Variants in LRRC4C observed in about 807,000 individuals in gnomAD.
LRRC4C encodes leucine-rich repeat-containing protein 4C.
LRRC4C carries 5 observed loss-of-function variants against 33.6 expected under a neutral mutation model. The ratio of observed to expected loss-of-function variants is 0.15; its 90% CI spans 0.08 to 0.31. LRRC4C has a LOEUF of 0.31. Among genes scored for constraint, LRRC4C ranks in the 10% least tolerant of loss-of-function variants. LRRC4C has a pLI of 1.00. For missense variants in LRRC4C, 560 were observed against 796.7 expected (o/e 0.70, Z 3.58); for synonymous variants, 329 against 302.0 (o/e 1.09, Z -0.93).
intron 3 of LRRC4C, among the ~76,000 whole-genome samples, chr11:40,355,001 G>A (rs1417858508): frequency 1.3e-5 from 2 of 152,174 alleles, no homozygotes; most frequent in Non-Finnish European, 2.9e-5. Context: ...GGGAAGTACT[G>A]TCTTTGTGCC....
At chr11:40,851,136 C>T (rs1953468513) in intron 2 of LRRC4C, among the ~76,000 whole-genome samples, 1 of 151,962 alleles carries the variant, frequency 6.6e-6, no homozygotes, top group African/African-American at 2.4e-5. Flanking sequence ...GGGGAGTGAA[C>T]AGTTCTGTCT....
At chr11:40,998,469 T>C (rs1854137220) in intron 1 of LRRC4C, among the ~76,000 whole-genome samples, 1 of 152,132 alleles carries the variant, frequency 6.6e-6, no homozygotes, top group African/African-American at 2.4e-5. Context: ...TTGACTGCAC[T>C]TTATGGATTT....
chr11:40,234,165 T>C (rs1332685772), intron 5 of LRRC4C, among the ~76,000 whole-genome samples: 2 of 152,224 alleles, frequency 1.3e-5, no homozygotes, highest in African/African-American at 4.8e-5. Context: ...CCAAAGAACA[T>C]ACTTTGTTTA....
At chr11:40,330,696 G>A (rs954420837) in intron 3 of LRRC4C, among the ~76,000 whole-genome samples, 11 of 152,020 alleles carry the variant, frequency 7.2e-5, no homozygotes, top group Admixed American at 3.9e-4. Context: ...ATCAGATCTC[G>A]TGAGAACTTA....
chr11:40,695,567 G>T (rs928377108), intron 2 of LRRC4C, among the ~76,000 whole-genome samples: 2 of 152,144 alleles, frequency 1.3e-5, no homozygotes, highest in East Asian at 3.9e-4. Flanking sequence ...CAGTTCTGGA[G>T]GTCAGAAGTC....
chr11:40,851,320 G>A (rs1000137052), intron 2 of LRRC4C, among the ~76,000 whole-genome samples: 6 of 152,258 alleles, frequency 3.9e-5, no homozygotes, highest in South Asian at 2.1e-4. Flanking sequence ...TGGGAAAGGC[G>A]TAGCATCTGG....
At position 40,426,855 on chromosome 11, in the gene LRRC4C, G is replaced by T. The variant is rs79428467; in HGVS notation, c.-269-107134C>A. On this transcript the variant is annotated intron_variant, in intron 3 of 6. Coordinates refer to ENST00000528697, the MANE Select transcript of LRRC4C (RefSeq NM_001258419.2). ...TTAGTTTCTGAAAGACCTTCTTTCC[G>T]TTTCCGACCTGTACTGACTCAAATC... Among the ~76,000 whole-genome samples, 320 of 152,210 alleles carry T rather than the reference G, an allele frequency of 2.1e-3. 3 individuals are homozygous for T. The highest frequency in any genetic ancestry group is 7.3e-3 in the African/African-American group (304 of 41,540).
At chr11:40,630,479 G>A (rs1333956509) in intron 3 of LRRC4C, among the ~76,000 whole-genome samples, 23 of 148,316 alleles carry the variant, frequency 1.6e-4, no homozygotes, top group Non-Finnish European at 1.5e-5. Context: ...TAGCCAATGA[G>A]CTTACTATGC....
At chr11:41,181,375 A>G (rs369393115) in intron 1 of LRRC4C, among the ~76,000 whole-genome samples, 36 of 151,446 alleles carry the variant, frequency 2.4e-4, no homozygotes, top group African/African-American at 8.3e-4. Context: ...CAGAGGGGGA[A>G]AAAAAGGCAT....
intron 4 of LRRC4C, among the ~76,000 whole-genome samples, chr11:40,316,830 G>C (rs1056907589): frequency 6.6e-6 from 1 of 151,934 alleles, no homozygotes; most frequent in Non-Finnish European, 1.5e-5. Flanking sequence ...CAGGAAACCA[G>C]ATAGCCTTGA....
intron 3 of LRRC4C, among the ~76,000 whole-genome samples, chr11:40,516,808 C>A (rs1378070953): frequency 2.0e-5 from 3 of 152,068 alleles, no homozygotes; most frequent in Admixed American, 2.0e-4. Context: ...GACCCTTTAG[C>A]CACATTTTAA....
At chr11:40,328,926 G>A (rs914712941) in intron 3 of LRRC4C, among the ~76,000 whole-genome samples, 1 of 152,182 alleles carries the variant, frequency 6.6e-6, no homozygotes, top group African/African-American at 2.4e-5. Context: ...ATATTAAATA[G>A]CTTCTTTTCA....
intron 1 of LRRC4C, among the ~76,000 whole-genome samples, chr11:41,155,411 T>TTGTTTTTAACCAAGTTCAGTGAAGTGGC (rs1330592623): frequency 6.6e-6 from 1 of 152,130 alleles, no homozygotes; most frequent in Non-Finnish European, 1.5e-5. Flanking sequence ...AGTAAGCACA[T>TTGTTTTTAACCAAGTTCAGTGAAGTGGC]TGTTTTTAAC....
intron 1 of LRRC4C, among the ~76,000 whole-genome samples, chr11:40,959,790 A>C (rs1031568854): frequency 6.6e-6 from 1 of 151,720 alleles, no homozygotes; most frequent in Non-Finnish European, 1.5e-5. Context: ...ACATTTGCTC[A>C]GTGATTGCTC....
chr11:40,279,142 C>T (rs893105047), intron 4 of LRRC4C, among the ~76,000 whole-genome samples: 1 of 152,186 alleles, frequency 6.6e-6, no homozygotes, highest in African/African-American at 2.4e-5. Context: ...ACTCCATGTA[C>T]TGTAGGACTT....
intron 1 of LRRC4C, among the ~76,000 whole-genome samples, chr11:41,163,826 G>T (rs886138552): frequency 1.3e-5 from 2 of 151,936 alleles, no homozygotes; most frequent in African/African-American, 4.8e-5. Context: ...TGGCCAGGCT[G>T]GTCTCGAACT....
rs184497637 is a variant in LRRC4C, at chr11:41,102,876, G to A, written c.-495-169153C>T. ...TCTCTATGCTTGATGTGTAAAGCTT[G>A]AATAATAATACTTTTTTAAGTATGT... On this transcript the variant is annotated intron_variant, in intron 1 of 6. Transcript: ENST00000528697. 3.9e-3 allele frequency among the ~76,000 whole-genome samples: 596 copies of A among 152,030 alleles called. 4 individuals carry two copies. The highest frequency in any genetic ancestry group is 0.029 in the South Asian group (141 of 4,822).
At chr11:40,128,057 T>G (rs1381566) in intron 6 of LRRC4C, among the ~76,000 whole-genome samples, 28,091 of 152,106 alleles carry the variant, frequency 0.18, 2,748 homozygotes, top group East Asian at 0.27. Flanking sequence ...AAAAACCAGC[T>G]TTAGAGTAAA....
chr11:40,519,673 T>C (rs1419149819), intron 3 of LRRC4C, among the ~76,000 whole-genome samples: 2 of 152,216 alleles, frequency 1.3e-5, no homozygotes, highest in East Asian at 3.9e-4. Flanking sequence ...ATGTGCAATG[T>C]CAATGGAAAA....
Sources: allele counts gnomAD v4.1 joint callset (sites outside exome capture counted in the v4.1 genomes callset), GRCh38; gene constraint gnomAD v4.1.1; transcripts MANE v1.5; gene names NCBI Gene and HGNC (gene_info 2026-07-23, HGNC 2026-07-21).